Variants in CROCC observed in about 807,000 individuals in gnomAD.
CROCC encodes the protein rootletin.
In CROCC, 180 loss-of-function variants were observed where a neutral mutation model predicts 245.2. That is an observed-to-expected ratio of 0.73 (90% CI 0.65 to 0.83). The LOEUF (loss-of-function observed/expected upper bound fraction) is 0.83, where lower values mean the gene tolerates loss of function less well. Among genes scored for constraint, CROCC ranks in the 40% least tolerant of loss-of-function variants. CROCC has a pLI of 0.00. For missense variants in CROCC, 2,688 were observed against 2,779.4 expected, an observed-to-expected ratio of 0.97 and a Z score of 0.74; for synonymous variants, 1,205 against 1,241.6, an observed-to-expected ratio of 0.97 and a Z score of 0.62.
rs1375593216 is a variant in CROCC, at chr1:16,922,801, G to A, written c.196+3G>A. The A allele has an allele frequency of 6.8e-6, 11 of 1,610,968 alleles. No individual in the cohort carries two copies. Among genetic ancestry groups the A allele is most frequent in the Non-Finnish European group, 9.3e-6 (11 of 1,179,154 alleles). ...CCTCTCCCAGCCTGAGAGCCCAGGTGCCACCCCCATCCGCTCCCCTCCACA... is the reference window on the plus strand; with the variant it reads ...CCTCTCCCAGCCTGAGAGCCCAGGTACCACCCCCATCCGCTCCCCTCCACA... On this transcript the variant is annotated splice_donor_region_variant and intron_variant, in intron 2 of 36. Transcript: ENST00000375541.
At position 16,930,446 on chromosome 1, in the gene CROCC, A is replaced by AG; in HGVS notation, c.703dup (p.Val235GlyfsTer21). ...CCATTCAGGAGTGCCAGCCTGGCCC[A>AG]GGTGAATGCCATGCTCCGAGAACAG... is the stretch of plus-strand genomic sequence containing the variant. On this transcript the variant is annotated frameshift_variant, in exon 7 of 37. Transcript: ENST00000375541. LOFTEE classifies it high-confidence loss of function. 1.2e-6 allele frequency: 2 copies of AG among 1,611,960 alleles called. No individual in the cohort carries two copies. Among genetic ancestry groups the AG allele is most frequent in the Non-Finnish European group, 1.7e-6 (2 of 1,179,804 alleles).
At chr1:16,942,560 G>T (rs1221164213) in intron 13 of CROCC, among the ~76,000 whole-genome samples, 1 of 152,286 alleles carries the variant, frequency 6.6e-6, no homozygotes, top group African/African-American at 2.4e-5. Context: ...GCTCTTGGCC[G>T]AGTGTTTTGT....
At chr1:16,915,415 G>A (rs2075291499) in intron 1 of CROCC, among the ~76,000 whole-genome samples, 4 of 152,268 alleles carry the variant, frequency 2.6e-5, no homozygotes, top group African/African-American at 7.2e-5. Context: ...TTGGGAGGCT[G>A]AGGTGGGAGG....
intron 13 of CROCC, among the ~76,000 whole-genome samples, chr1:16,940,578 C>CG (rs2075908198): frequency 2.0e-5 from 3 of 152,280 alleles, no homozygotes; most frequent in South Asian, 4.1e-4. Flanking sequence ...TTAGTAGAGA[C>CG]GGGGTTTCAC....
chr1:16,972,630 A>G lies in CROCC; in HGVS notation c.*184A>G. 1.9e-6 allele frequency: 1 copy of G among 534,350 alleles called. No homozygotes were observed. Among genetic ancestry groups the G allele is most frequent in the Non-Finnish European group, 3.3e-6 (1 of 301,296 alleles). 33.1% of individuals were successfully genotyped at this position (534,350 alleles called of 1,614,324 possible). A position where few individuals can be genotyped will look rare whatever the true frequency, so the allele number is the denominator to read the frequency against. On this transcript the variant is annotated 3_prime_UTR_variant, in exon 37 of 37. Coordinates refer to ENST00000375541, the MANE Select transcript of CROCC (RefSeq NM_014675.5). The stretch of plus-strand genomic sequence containing the variant: ...TCCAGGCCTGGAGAGGCTTCCCAGC[A>G]ACACCTGCAGTCCAGCCCCCCTCTT...
intron 2 of CROCC, among the ~76,000 whole-genome samples, chr1:16,923,766 C>A (rs1170447532): frequency 1.3e-5 from 2 of 151,958 alleles, no homozygotes; most frequent in Non-Finnish European, 2.9e-5. Context: ...CTGCAACCTC[C>A]ACCTCCCCGG....
At chr1:16,939,794 G>GCCTAGC in intron 12 of CROCC, 100 bp from the exon 13 acceptor site, 1 of 1,411,038 alleles carries the variant, frequency 7.1e-7, no homozygotes, top group African/African-American at 1.4e-5. Flanking sequence ...CCTGGACCCC[G>GCCTAGC]CCTAGCGTAG....
At position 16,971,665 on chromosome 1, in the gene CROCC, G is replaced by C; in HGVS notation, c.5967+18G>C. The C allele has an allele frequency of 6.8e-7, 1 of 1,466,786 alleles. No homozygotes were observed. The highest frequency in any genetic ancestry group is 1.4e-5 in the South Asian group (1 of 73,894). 90.9% of individuals were successfully genotyped at this position (1,466,786 alleles called of 1,614,324 possible). A position where few individuals can be genotyped will look rare whatever the true frequency, so the allele number is the denominator to read the frequency against. On this transcript the variant is annotated intron_variant, in intron 36 of 36. Transcript: ENST00000375541. Reference sequence around the variant, plus strand: ...AGGAGCAGGTGTGCAGGCCCCCTTAGAAGGCTGGGCCAGGATGGATGTGTG... The same window carrying C: ...AGGAGCAGGTGTGCAGGCCCCCTTACAAGGCTGGGCCAGGATGGATGTGTG...
Position 16,953,518 on chromosome 1 carries a change from A to T in CROCC, c.3186+37A>T, listed in dbSNP as rs965179440. 4.5e-6 allele frequency: 7 copies of T among 1,553,778 alleles called. No individual in the cohort carries two copies. In the African/African-American group the frequency reaches 9.5e-5, roughly 21 times the overall value. On this transcript the variant is annotated intron_variant, in intron 21 of 36. Transcript: ENST00000375541. ...CTGGCATGGCCTCTGCTGCTCTCTGAGCTGCTCCAGTTCTGGGGCCGGGCC... is the reference window on the plus strand; with the variant it reads ...CTGGCATGGCCTCTGCTGCTCTCTGTGCTGCTCCAGTTCTGGGGCCGGGCC...
In CROCC at chr1:16,921,992, T is replaced by G. The variant is rs1371376451; in HGVS notation, c.-27T>G. On this transcript the variant is annotated 5_prime_UTR_variant, in exon 1 of 37. Transcript: ENST00000375541. ...GTCTTGGGGTCCTGGAGAAGGGGGC[T>G]GGAGGCATGCCCACAGCCTCCCCCC... The G allele has an allele frequency of 3.2e-6, 5 of 1,543,658 alleles. No homozygotes were observed. The highest frequency in any genetic ancestry group is 4.4e-6 in the Non-Finnish European group (5 of 1,140,170).
chr1:16,968,887 A>G (rs1462645460), intron 31 of CROCC: 3 of 623,550 alleles, frequency 4.8e-6, no homozygotes, highest in African/African-American at 1.8e-5. Flanking sequence ...TGAGACAACT[A>G]GGTTGATGGC....
rs780700027 is a variant in CROCC, at chr1:16,939,004, G to A, written c.1470G>A (p.Gln490=). 1.9e-6 allele frequency: 3 copies of A among 1,603,748 alleles called. No individual in the cohort carries two copies. Among genetic ancestry groups the A allele is most frequent in the Non-Finnish European group, 2.5e-6 (3 of 1,176,814 alleles). ...GCAGCCTGCGGGGGCTCTCGGGCCA[G>A]CGGACCCCGTCCCCACCGCGGCGCT... ...SNGSLRGLSG[Q]RTPSPPRRSS... is the part of the protein sequence containing the mutation. Residue 490 remains glutamine, a synonymous_variant, in exon 12 of 37, where the codon CAG becomes CAA. Coordinates refer to ENST00000375541, the MANE Select transcript of CROCC (RefSeq NM_014675.5).
In CROCC at chr1:16,957,362, G is replaced by A. The variant is rs375921816; in HGVS notation, c.3864+1206G>A. Among the ~76,000 whole-genome samples, 52 of 152,058 alleles carry A rather than the reference G, an allele frequency of 3.4e-4. 1 individual carries two copies. Among genetic ancestry groups the A allele is most frequent in the African/African-American group, 3.1e-4 (13 of 41,402 alleles). On this transcript the variant is annotated intron_variant, in intron 25 of 36. Coordinates refer to ENST00000375541, the MANE Select transcript of CROCC (RefSeq NM_014675.5). ...GTCAAGGCTGCAGTGAGCTGTGATCGCATCACCGCACTCCAGCCTGGGCGA... is the reference window on the plus strand; with the variant it reads ...GTCAAGGCTGCAGTGAGCTGTGATCACATCACCGCACTCCAGCCTGGGCGA...
intron 16 of CROCC, among the ~76,000 whole-genome samples, 153 bp downstream of exon 16, chr1:16,946,558 A>G (rs1259971512): frequency 6.6e-6 from 1 of 152,194 alleles, no homozygotes; most frequent in African/African-American, 2.4e-5. Flanking sequence ...CTGTCTGTCT[A>G]TCCCCTCTAG....
At chr1:16,936,396 C>T (rs1433929091) in intron 8 of CROCC, among the ~76,000 whole-genome samples, 4 of 152,360 alleles carry the variant, frequency 2.6e-5, no homozygotes, top group Admixed American at 6.5e-5. Context: ...GCCTCCCAAG[C>T]GGCTGGGACT....
In CROCC at chr1:16,969,838, C is replaced by G. The variant is rs370341732; in HGVS notation, c.5355C>G (p.Ser1785Arg). 2.2e-5 allele frequency: 35 copies of G among 1,613,260 alleles called. No individual in the cohort carries two copies. The African/African-American group carries it at 4.3e-4, about 20-fold the overall frequency. Reference protein sequence around the residue: ...QALSEARKQSSSLGEQVQTLR... With the variant: ...QALSEARKQSRSLGEQVQTLR... Reference sequence around the variant, plus strand: ...TATCTGAGGCACGGAAGCAGAGCAGCTCCCTGGGCGAGCAGGTGCAGACGT... The same window carrying G: ...TATCTGAGGCACGGAAGCAGAGCAGGTCCCTGGGCGAGCAGGTGCAGACGT... The change falls in exon 33 of 37, where the codon AGC (serine) becomes AGG (arginine). Residue 1785 changes from serine to arginine, a missense_variant. Around this residue, in one of 9 missense-constraint regions of CROCC, gnomAD observed 1,218 missense variants for 1,286.3 expected, o/e 0.95. Transcript: ENST00000375541.
intron 36 of CROCC, 139 bp from the exon 37 acceptor site, chr1:16,972,221 C>A: frequency 1.4e-6 from 1 of 729,958 alleles, no homozygotes; most frequent in Non-Finnish European, 2.4e-6. Context: ...ATGAGAAAGG[C>A]AGGACAGCCC....
intron 13 of CROCC, among the ~76,000 whole-genome samples, chr1:16,943,235 C>G (rs2075969932): frequency 6.8e-6 from 1 of 147,008 alleles, no homozygotes; most frequent in Admixed American, 6.9e-5. Flanking sequence ...AGTGAGATGC[C>G]GTCTAAAAAA....
At chr1:16,923,674 C>CTTTTTTTTTTTTTT (rs61063425) in intron 2 of CROCC, among the ~76,000 whole-genome samples, 4 of 103,498 alleles carry the variant, frequency 3.9e-5, no homozygotes, top group African/African-American at 1.5e-4. Flanking sequence ...ACTATTCTAC[C>CTTTTTTTTTTTTTT]TTTTTTTTTT....
Sources: allele counts gnomAD v4.1 joint callset (sites outside exome capture counted in the v4.1 genomes callset), GRCh38; gene constraint gnomAD v4.1.1; regional missense constraint gnomAD v4.1.1; transcripts MANE v1.5; gene names NCBI Gene and HGNC (gene_info 2026-07-23, HGNC 2026-07-21).